The following CCBE1 variants were observed in gnomAD, a reference collection of about 807,000 sequenced individuals.
CCBE1 encodes the protein collagen and calcium-binding EGF domain-containing protein 1.
In CCBE1, 37 loss-of-function variants were observed where a neutral mutation model predicts 50.0. That is an observed-to-expected ratio of 0.74 (90% CI 0.57 to 0.97). CCBE1 has a LOEUF of 0.97. Ranked by LOEUF, CCBE1 falls within the 50% of genes least tolerant of loss-of-function variation. The pLI is 0.00. For missense variants in CCBE1, 538 were observed against 523.8 expected (o/e 1.03, Z -0.26); for synonymous variants, 234 against 203.7 (o/e 1.15, Z -1.27).
chr18:59,439,782 G>C lies in CCBE1; in HGVS notation c.810C>G (p.Pro270=). ...SPGPKGSPGF[P]GMPGPPGQPG... is the part of the protein sequence containing the mutation. The stretch of plus-strand genomic sequence containing the variant: ...GCTGCCCAGGAGGGCCTGGCATACC[G>C]GGGAAGCCTGGGCTTCCCTTTGGTC... Residue 270 remains proline, a synonymous_variant, in exon 8 of 11, where the codon CCC becomes CCG. Transcript: ENST00000439986. 4 of 1,613,960 alleles carry C rather than the reference G, an allele frequency of 2.5e-6. No homozygotes were observed. Among genetic ancestry groups the C allele is most frequent in the Non-Finnish European group, 3.4e-6 (4 of 1,179,946 alleles).
At chr18:59,555,237 G>A (rs1467316602) in intron 2 of CCBE1, among the ~76,000 whole-genome samples, 1 of 152,180 alleles carries the variant, frequency 6.6e-6, no homozygotes, top group African/African-American at 2.4e-5. Context: ...AGATTGCTCA[G>A]TGCTCAAATG....
At chr18:59,571,962 C>T (rs1438158797) in intron 2 of CCBE1, among the ~76,000 whole-genome samples, 1 of 152,198 alleles carries the variant, frequency 6.6e-6, no homozygotes, top group Non-Finnish European at 1.5e-5. Context: ...AAATTCTAGT[C>T]TAGTCTTTAA....
chr18:59,683,309 G>A (rs187638709), intron 2 of CCBE1, among the ~76,000 whole-genome samples: 38 of 152,348 alleles, frequency 2.5e-4, no homozygotes, highest in African/African-American at 8.9e-4. Context: ...AAATCCAATA[G>A]TGGGTCAATC....
At chr18:59,468,803 A>C (rs1911878591) in intron 4 of CCBE1, among the ~76,000 whole-genome samples, 1 of 151,248 alleles carries the variant, frequency 6.6e-6, no homozygotes, top group African/African-American at 2.4e-5. Flanking sequence ...CCACTCTCAG[A>C]GTTGTGATTC....
intron 2 of CCBE1, among the ~76,000 whole-genome samples, chr18:59,578,028 T>A (rs932739512): frequency 6.6e-6 from 1 of 152,116 alleles, no homozygotes; most frequent in Non-Finnish European, 1.5e-5. Flanking sequence ...AGAGGCAACC[T>A]ACAGAATGGG....
At chr18:59,581,311 C>T (rs1475273869) in intron 2 of CCBE1, among the ~76,000 whole-genome samples, 2 of 151,822 alleles carry the variant, frequency 1.3e-5, no homozygotes, top group Non-Finnish European at 2.9e-5. Flanking sequence ...TGTGGTGGTG[C>T]ATGCCTGTAA....
At chr18:59,460,679 C>CA in intron 5 of CCBE1, among the ~76,000 whole-genome samples, 2 of 152,288 alleles carry the variant, frequency 1.3e-5, no homozygotes, top group South Asian at 4.1e-4. Flanking sequence ...CGCCTGTAAT[C>CA]CCAGCACATT....
chr18:59,582,100 T>A (rs1408724404), intron 2 of CCBE1, among the ~76,000 whole-genome samples: 2 of 152,224 alleles, frequency 1.3e-5, no homozygotes, highest in African/African-American at 4.8e-5. Context: ...GGTCTGCCAC[T>A]GTGCCTCATA....
chr18:59,664,844 A>T (rs1430776031), intron 2 of CCBE1, among the ~76,000 whole-genome samples: 1 of 152,192 alleles, frequency 6.6e-6, no homozygotes, highest in Non-Finnish European at 1.5e-5. Context: ...TAATAATCAC[A>T]ATTATAAAAT....
At chr18:59,691,880 C>A (rs2054737892) in intron 2 of CCBE1, among the ~76,000 whole-genome samples, 1 of 152,176 alleles carries the variant, frequency 6.6e-6, no homozygotes, top group African/African-American at 2.4e-5. Flanking sequence ...GATTTCTAGT[C>A]TTCCTTCTGC....
chr18:59,480,141 T>C (rs367616708), intron 3 of CCBE1, 45 bp downstream of exon 3: 21 of 1,164,138 alleles, frequency 1.8e-5, no homozygotes, highest in Non-Finnish European at 2.5e-5. Flanking sequence ...CTTTGAATGA[T>C]TAGTTGTGAA....
intron 7 of CCBE1, among the ~76,000 whole-genome samples, chr18:59,445,410 G>A (rs1402919871): frequency 6.6e-6 from 1 of 152,154 alleles, no homozygotes; most frequent in Admixed American, 6.5e-5. Flanking sequence ...AAGAGACTGA[G>A]AAGATTGTTA....
At chr18:59,642,773 C>T (rs1341592200) in intron 2 of CCBE1, among the ~76,000 whole-genome samples, 1 of 151,852 alleles carries the variant, frequency 6.6e-6, no homozygotes, top group East Asian at 1.9e-4. Flanking sequence ...CGTGGTGAAA[C>T]CCCATCTCTA....
At chr18:59,624,369 T>TG (rs1163991800) in intron 2 of CCBE1, among the ~76,000 whole-genome samples, 1 of 152,164 alleles carries the variant, frequency 6.6e-6, no homozygotes, top group African/African-American at 2.4e-5. Flanking sequence ...AGGGGACAGC[T>TG]GGGGGGCAGG....
At chr18:59,524,706 G>C (rs1004987639) in intron 2 of CCBE1, among the ~76,000 whole-genome samples, 1 of 152,122 alleles carries the variant, frequency 6.6e-6, no homozygotes, top group South Asian at 2.1e-4. Context: ...CCATCACCTA[G>C]GTATTAAGAC....
At chr18:59,494,836 G>A (rs1913272806) in intron 2 of CCBE1, among the ~76,000 whole-genome samples, 1 of 152,194 alleles carries the variant, frequency 6.6e-6, no homozygotes, top group Admixed American at 6.5e-5. Context: ...CAGCATGGCA[G>A]ATGAAGCCAA....
At chr18:59,570,491 A>C (rs747787163) in intron 2 of CCBE1, among the ~76,000 whole-genome samples, 57 of 152,246 alleles carry the variant, frequency 3.7e-4, no homozygotes, top group South Asian at 8.3e-4. Context: ...TGGCTGTAAC[A>C]CTTCTGGATT....
intron 2 of CCBE1, among the ~76,000 whole-genome samples, chr18:59,657,805 C>T (rs903362361): frequency 2.0e-5 from 3 of 152,112 alleles, no homozygotes; most frequent in Non-Finnish European, 2.9e-5. Context: ...CAGGAGAAAT[C>T]GCTCGAACCC....
chr18:59,457,044 A>G (rs11874251), intron 5 of CCBE1, among the ~76,000 whole-genome samples: 64,102 of 152,078 alleles, frequency 0.42, 13,876 homozygotes, highest in Middle Eastern at 0.5. Context: ...ATTGTTGAAT[A>G]TACAGGGTCA....
Sources: gnomAD v4.1 joint callset for allele counts (sites outside exome capture counted in the v4.1 genomes callset) on GRCh38, gnomAD v4.1.1 for gene constraint, MANE v1.5 for transcripts, NCBI Gene and HGNC (gene_info 2026-07-23, HGNC 2026-07-21) for gene names.